The following ARNT2 variants were observed in gnomAD, a reference collection of about 807,000 sequenced individuals.
The protein encoded by ARNT2 is ARNT protein 2.
Under a neutral mutation model 91.7 loss-of-function variants are expected in ARNT2, and 36 were observed. That is an observed-to-expected ratio of 0.39 (90% CI 0.30 to 0.52). ARNT2 has a LOEUF of 0.52. ARNT2 is among the 20% of genes least tolerant of loss of function. The pLI is 0.72. For missense variants in ARNT2, 775 were observed against 939.3 expected (o/e 0.83, Z 2.29); for synonymous variants, 365 against 347.1 (o/e 1.05, Z -0.57).
At chr15:80,509,429 G>A (rs907452086) in intron 6 of ARNT2, among the ~76,000 whole-genome samples, 1 of 151,668 alleles carries the variant, frequency 6.6e-6, no homozygotes, top group Admixed American at 6.6e-5. Flanking sequence ...GTAACAGAGT[G>A]AATCTCTGTC....
intron 10 of ARNT2, among the ~76,000 whole-genome samples, chr15:80,553,909 TA>T: frequency 6.6e-6 from 1 of 152,224 alleles, no homozygotes; most frequent in Admixed American, 6.5e-5. Flanking sequence ...TTGGATGAAA[TA>T]AAGGGAGAAA....
At chr15:80,538,788 GATAA>G (rs1318604103) in intron 8 of ARNT2, among the ~76,000 whole-genome samples, 1 of 151,950 alleles carries the variant, frequency 6.6e-6, no homozygotes, top group African/African-American at 2.4e-5. Flanking sequence ...TTATCCAATT[GATAA>G]ATAATTCTTC....
At chr15:80,438,569 A>G (rs79139867) in intron 1 of ARNT2, among the ~76,000 whole-genome samples, 16 of 152,234 alleles carry the variant, frequency 1.1e-4, no homozygotes, top group Admixed American at 1.0e-3. Context: ...CAAAGACATA[A>G]TTTATAATAT....
chr15:80,507,887 T>C (rs1476845891), intron 5 of ARNT2, among the ~76,000 whole-genome samples: 6 of 152,218 alleles, frequency 3.9e-5, no homozygotes, highest in East Asian at 3.9e-4. Context: ...GAGAGCCAAA[T>C]TGGAGTGACT....
intron 2 of ARNT2, among the ~76,000 whole-genome samples, chr15:80,456,594 A>C (rs933912796): frequency 1.3e-5 from 2 of 152,140 alleles, no homozygotes; most frequent in Admixed American, 6.5e-5. Context: ...CTCAGTTTGC[A>C]CCTAAACCCC....
At position 80,593,834 on chromosome 15, in the gene ARNT2, T is replaced by TC; in HGVS notation, c.*140dup. 2 of 766,798 alleles carry TC rather than the reference T, an allele frequency of 2.6e-6. No homozygotes were observed. The highest frequency in any genetic ancestry group is 2.1e-6 in the Non-Finnish European group (1 of 473,382). The allele number at this position is 766,798 out of a possible 1,614,324, so 47.5% of individuals were successfully genotyped here. On this transcript the variant is annotated 3_prime_UTR_variant, in exon 19 of 19. Coordinates refer to ENST00000303329, the MANE Select transcript of ARNT2 (RefSeq NM_014862.4). ...CAGAAGCCATCTCCCCCGCTGTGTG[T>TC]CCCCAGGCGCATCATTGCTCCACTC... is the stretch of plus-strand genomic sequence containing the variant.
In ARNT2 at chr15:80,528,414, T is replaced by C. The variant is rs1002691030; in HGVS notation, c.877+14009T>C. On this transcript the variant is annotated intron_variant, in intron 8 of 18. Transcript: ENST00000303329. ...TCTATCTATCTATCTATCTATCTAT[T>C]TATCATCTATCTATCCATCATCTAT... 1.2e-4 allele frequency among the ~76,000 whole-genome samples: 16 copies of C among 137,414 alleles called. No individual in the cohort carries two copies. The South Asian group carries it at 1.2e-3, about 10-fold the overall frequency. 90.1% of individuals were successfully genotyped at this position (137,414 alleles called of 152,430 possible).
Position 80,594,476 on chromosome 15 carries a change from C to G in ARNT2, c.*778C>G, listed in dbSNP as rs1046489063. On this transcript the variant is annotated 3_prime_UTR_variant, in exon 19 of 19. Transcript: ENST00000303329. ...GAGCTGGGCTAACAGGCTGACACTT[C>G]GGCAGGGTCACCAGGAGGCACAGCT... The G allele has an allele frequency of 6.6e-6, 1 of 152,398 alleles. No individual in the cohort carries two copies. Among genetic ancestry groups the G allele is most frequent in the African/African-American group, 2.4e-5 (1 of 41,468 alleles). The allele number at this position is 152,398 out of a possible 1,614,324, so 9.4% of individuals were successfully genotyped here. A position where few individuals can be genotyped will look rare whatever the true frequency, so the allele number is the denominator to read the frequency against.
intron 8 of ARNT2, among the ~76,000 whole-genome samples, chr15:80,519,614 A>G (rs1173994984): frequency 6.6e-6 from 1 of 151,844 alleles, no homozygotes; most frequent in Non-Finnish European, 1.5e-5. Flanking sequence ...ATTCACCAGA[A>G]CTGTTTTAGG....
intron 5 of ARNT2, among the ~76,000 whole-genome samples, chr15:80,485,264 G>A (rs1896951056): frequency 6.6e-6 from 1 of 152,192 alleles, no homozygotes; most frequent in South Asian, 2.1e-4. Context: ...AGTGTGACAT[G>A]TGCTTGAGAA....
intron 6 of ARNT2, among the ~76,000 whole-genome samples, 186 bp from the exon 7 acceptor site, chr15:80,513,721 CAAAA>C (rs36113299): frequency 1.4e-4 from 14 of 100,938 alleles, no homozygotes; most frequent in African/African-American, 4.2e-4. Flanking sequence ...TCTTCAGTCA[CAAAA>C]AAAAAAAAAA....
intron 6 of ARNT2, among the ~76,000 whole-genome samples, chr15:80,512,579 A>C (rs1485521327): frequency 1.3e-5 from 2 of 152,220 alleles, no homozygotes; most frequent in African/African-American, 4.8e-5. Context: ...CAGTTAGTGT[A>C]GTCAGTCACG....
chr15:80,408,401 T>C (rs1426760117), intron 1 of ARNT2, among the ~76,000 whole-genome samples: 1 of 152,214 alleles, frequency 6.6e-6, no homozygotes, highest in Non-Finnish European at 1.5e-5. Context: ...GGAAGTCTTA[T>C]GGGAGGTAAC....
chr15:80,573,060 C>G (rs1230200051), intron 12 of ARNT2, among the ~76,000 whole-genome samples: 1 of 152,208 alleles, frequency 6.6e-6, no homozygotes, highest in East Asian at 1.9e-4. Flanking sequence ...GTGAGCAAGT[C>G]CACAGTCCCT....
intron 1 of ARNT2, among the ~76,000 whole-genome samples, chr15:80,407,451 T>C (rs1245520121): frequency 6.6e-6 from 1 of 152,224 alleles, no homozygotes; most frequent in East Asian, 1.9e-4. Context: ...TAGGTTAGGA[T>C]TCTACCAGCT....
intron 5 of ARNT2, among the ~76,000 whole-genome samples, chr15:80,503,658 C>G (rs1053233868): frequency 6.6e-6 from 1 of 152,136 alleles, no homozygotes; most frequent in Non-Finnish European, 1.5e-5. Flanking sequence ...CTAACATGGC[C>G]GTAAAAAGAT....
At chr15:80,498,824 C>A (rs982979044) in intron 5 of ARNT2, among the ~76,000 whole-genome samples, 3 of 152,238 alleles carry the variant, frequency 2.0e-5, no homozygotes, top group Admixed American at 6.5e-5. Context: ...TGGCTGACCT[C>A]CTGCCCCCTC....
At chr15:80,526,539 C>A (rs990670965) in intron 8 of ARNT2, among the ~76,000 whole-genome samples, 2 of 152,248 alleles carry the variant, frequency 1.3e-5, no homozygotes, top group African/African-American at 4.8e-5. Context: ...GCCAGGTTAA[C>A]TGGCAGTGTG....
intron 12 of ARNT2, 41 bp downstream of exon 12, chr15:80,563,280 G>A (rs368438348): frequency 9.3e-6 from 15 of 1,611,252 alleles, no homozygotes; most frequent in African/African-American, 1.3e-5. Flanking sequence ...ATCCACATGC[G>A]CTTGCTTGGG....
Sources: allele counts gnomAD v4.1 joint callset (sites outside exome capture counted in the v4.1 genomes callset), GRCh38; gene constraint gnomAD v4.1.1; transcripts MANE v1.5; gene names NCBI Gene and HGNC (gene_info 2026-07-23, HGNC 2026-07-21).